WNT4: variants seen among roughly 807,000 people sequenced by gnomAD.
WNT4 encodes the protein Wnt family member 4.
WNT4 carries 16 observed loss-of-function variants against 34.5 expected under a neutral mutation model. That is an observed-to-expected ratio of 0.46 (90% CI 0.31 to 0.70). The LOEUF (loss-of-function observed/expected upper bound fraction) is 0.70, where lower values mean the gene tolerates loss of function less well. Among genes scored for constraint, WNT4 ranks in the 30% least tolerant of loss-of-function variants. The pLI is 0.04. For synonymous variants in WNT4, 200 were observed against 211.9 expected (o/e 0.94, Z 0.49); for missense variants, 379 against 495.9 (o/e 0.76, Z 2.24).
At chr1:22,127,247 A>AC in intron 2 of WNT4, 2 of 498,306 alleles carry the variant, frequency 4.0e-6, no homozygotes, top group Non-Finnish European at 8.3e-6. Context: ...AGCAGGTACC[A>AC]CCCAGGCCTA....
intron 1 of WNT4, among the ~76,000 whole-genome samples, chr1:22,136,701 C>G (rs1646025140): frequency 6.6e-6 from 1 of 152,182 alleles, no homozygotes; most frequent in Non-Finnish European, 1.5e-5. Context: ...GGTTCTACCA[C>G]CGCCATGCTG....
Position 22,142,719 on chromosome 1 carries a change from C to G in WNT4, c.77+127G>C. 1.6e-6 allele frequency: 1 copy of G among 618,862 alleles called. No individual in the cohort carries two copies. Among genetic ancestry groups the G allele is most frequent in the Non-Finnish European group, 2.0e-6 (1 of 495,780 alleles). The allele number at this position is 618,862 out of a possible 1,614,324, so 38.3% of individuals were successfully genotyped here. A position where few individuals can be genotyped will look rare whatever the true frequency, so the allele number is the denominator to read the frequency against. ...CGGCGGCAGCGGAGCGAGCGAGCCT[C>G]CGGTCCCGCGGCCGAGACACCTGCC... On this transcript the variant is annotated intron_variant, in intron 1 of 4. Coordinates refer to ENST00000290167, the MANE Select transcript of WNT4 (RefSeq NM_030761.5). This position sits in a 1 kb window ranked among gnomAD's most constrained non-coding sequence, Gnocchi z 6.0.
At chr1:22,121,994 A>C (rs926259953) in intron 2 of WNT4, among the ~76,000 whole-genome samples, 1 of 152,196 alleles carries the variant, frequency 6.6e-6, no homozygotes, top group Non-Finnish European at 1.5e-5. Context: ...GGAAGACCAG[A>C]CAGGCTGGGA....
rs1445070092 is a variant in WNT4 at position 22,142,420 on chromosome 1, C to G, written c.77+426G>C. On this transcript the variant is annotated intron_variant, in intron 1 of 4. Coordinates refer to ENST00000290167, the MANE Select transcript of WNT4 (RefSeq NM_030761.5). The surrounding 1 kb of genome is among the most constrained non-coding windows in gnomAD (Gnocchi z 6.0). ...TCGGCGCAGCTCGGCGCTGGGAGCT[C>G]GCTCCGGACTTCTCGGGATTAACCT... is the stretch of plus-strand genomic sequence containing the variant. 6.7e-6 allele frequency among the ~76,000 whole-genome samples: 1 copy of G among 150,236 alleles called. No individual in the cohort carries two copies. Among genetic ancestry groups the G allele is most frequent in the Admixed American group, 6.6e-5 (1 of 15,078 alleles).
Position 22,134,422 on chromosome 1 carries a change from A to C in WNT4, c.78-4571T>G, listed in dbSNP as rs1210291575. On this transcript the variant is annotated intron_variant, in intron 1 of 4. Transcript: ENST00000290167. The surrounding 1 kb of genome is among the most constrained non-coding windows in gnomAD (Gnocchi z 4.1). ...CTAACCATACCCCCCACTCACTTTTACATCTTTGAATGTTTCTATAACCAC... is the reference window on the plus strand; with the variant it reads ...CTAACCATACCCCCCACTCACTTTTCCATCTTTGAATGTTTCTATAACCAC... Among the ~76,000 whole-genome samples the C allele has an allele frequency of 6.6e-6, 1 of 152,170 alleles. No individual in the cohort carries two copies. Among genetic ancestry groups the C allele is most frequent in the East Asian group, 1.9e-4 (1 of 5,188 alleles).
At chr1:22,121,683 G>T in intron 2 of WNT4, 107 bp from the exon 3 acceptor site, 1 of 1,519,306 alleles carries the variant, frequency 6.6e-7, no homozygotes. Flanking sequence ...TGGAGGCCAG[G>T]AGGGAGCAAG....
intron 1 of WNT4, among the ~76,000 whole-genome samples, chr1:22,138,437 G>A (rs938429043): frequency 2.6e-5 from 4 of 152,062 alleles, no homozygotes; most frequent in African/African-American, 9.7e-5. Flanking sequence ...AAAGTCTGCA[G>A]ACATTTTGTC....
In WNT4 at chr1:22,119,734, C is replaced by T. The variant is rs1645878356; in HGVS notation, c.*316G>A. On this transcript the variant is annotated 3_prime_UTR_variant, in exon 5 of 5. Coordinates refer to ENST00000290167, the MANE Select transcript of WNT4 (RefSeq NM_030761.5). ...GGTGGTAATACTCCTTGTTACTCCA[C>T]CTTAGGTCTGCAAGTAGAAAAACGG... 2 of 476,198 alleles carry T rather than the reference C, an allele frequency of 4.2e-6. No individual in the cohort carries two copies. Among genetic ancestry groups the T allele is most frequent in the Non-Finnish European group, 3.9e-6 (1 of 258,936 alleles). 29.5% of individuals were successfully genotyped at this position (476,198 alleles called of 1,614,324 possible). A position where few individuals can be genotyped will look rare whatever the true frequency, so the allele number is the denominator to read the frequency against.
rs775827573 is a variant in WNT4, at chr1:22,142,035, G to C, written c.77+811C>G. Among the ~76,000 whole-genome samples the C allele has an allele frequency of 1.8e-4, 27 of 152,182 alleles. No homozygotes were observed. The highest frequency in any genetic ancestry group is 2.9e-4 in the Non-Finnish European group (20 of 68,036). ...AGGAGCGCGGGTCCGCTTGCTCCCT[G>C]TCCACCCACTCACTGGAGCTCATCC... On this transcript the variant is annotated intron_variant, in intron 1 of 4. Transcript: ENST00000290167. This position sits in a 1 kb window ranked among gnomAD's most constrained non-coding sequence, Gnocchi z 6.0.
intron 2 of WNT4, 151 bp downstream of exon 2, chr1:22,129,465 T>C: frequency 1.0e-6 from 1 of 976,372 alleles, no homozygotes; most frequent in South Asian, 1.5e-5. Flanking sequence ...CCCAACGCTC[T>C]GCATCCTTTA....
rs1295254993 is a variant in WNT4 at position 22,142,819 on chromosome 1, G to T, written c.77+27C>A. 5 of 1,114,608 alleles carry T rather than the reference G, an allele frequency of 4.5e-6. No homozygotes were observed. In the African/African-American group the frequency reaches 8.4e-5, roughly 19 times the overall value. The allele number at this position is 1,114,608 out of a possible 1,614,324, so 69.0% of individuals were successfully genotyped here. A position where few individuals can be genotyped will look rare whatever the true frequency, so the allele number is the denominator to read the frequency against. On this transcript the variant is annotated intron_variant, in intron 1 of 4. Transcript: ENST00000290167. The surrounding 1 kb of genome is among the most constrained non-coding windows in gnomAD (Gnocchi z 6.0). ...CCCGGGGCCTGCCCCGCCCCGCCCC[G>T]CCCCGCTCGGCCCCGGCCAGACTTA... is the stretch of plus-strand genomic sequence containing the variant.
In WNT4 at chr1:22,140,121, G is replaced by A; in HGVS notation, c.77+2725C>T. 1.1e-6 allele frequency: 1 copy of A among 947,970 alleles called. No individual in the cohort carries two copies. The highest frequency in any genetic ancestry group is 1.3e-6 in the Non-Finnish European group (1 of 795,812). The allele number at this position is 947,970 out of a possible 1,614,324, so 58.7% of individuals were successfully genotyped here. A position where few individuals can be genotyped will look rare whatever the true frequency, so the allele number is the denominator to read the frequency against. On this transcript the variant is annotated intron_variant, in intron 1 of 4. Coordinates refer to ENST00000290167, the MANE Select transcript of WNT4 (RefSeq NM_030761.5). This position sits in a 1 kb window ranked among gnomAD's most constrained non-coding sequence, Gnocchi z 5.9. Reference sequence around the variant, plus strand: ...CACCCTGGACTCCAGGGTATTGGGAGGCGAGCGGAACCTAGACCTTGCTCC... The same window carrying A: ...CACCCTGGACTCCAGGGTATTGGGAAGCGAGCGGAACCTAGACCTTGCTCC...
At position 22,138,608 on chromosome 1, in the gene WNT4, T is replaced by A. The variant is rs369006022; in HGVS notation, c.77+4238A>T. ...AATCCTGCTGTAAACTGTGAAGTAC[T>A]GTGGGGGTGTTTGTGATTGTAATTC... is the stretch of plus-strand genomic sequence containing the variant. On this transcript the variant is annotated intron_variant, in intron 1 of 4. Transcript: ENST00000290167. 1.1e-4 allele frequency among the ~76,000 whole-genome samples: 17 copies of A among 152,344 alleles called. No individual in the cohort carries two copies. The East Asian group carries it at 2.3e-3, about 21-fold the overall frequency.
At chr1:22,124,642 A>G (rs577937515) in intron 2 of WNT4, among the ~76,000 whole-genome samples, 1 of 152,302 alleles carries the variant, frequency 6.6e-6, no homozygotes, top group Non-Finnish European at 1.5e-5. Flanking sequence ...CAGGCAGTAA[A>G]TGGCCAAGTG....
chr1:22,131,977 G>A (rs1645987239), intron 1 of WNT4, among the ~76,000 whole-genome samples: 1 of 152,184 alleles, frequency 6.6e-6, no homozygotes, highest in African/African-American at 2.4e-5. Flanking sequence ...GAAGGGGAGG[G>A]GCCCACCCGG....
rs1233484503 is a variant in WNT4, at chr1:22,120,255, A to G, written c.851T>C (p.Met284Thr). 1 of 1,614,184 alleles carries G rather than the reference A, an allele frequency of 6.2e-7. No homozygotes were observed. Among genetic ancestry groups the G allele is most frequent in the Admixed American group, 1.7e-5 (1 of 60,038 alleles). The change falls in exon 5 of 5, where the codon ATG becomes ACG. Residue 284 changes from methionine (M) to threonine (T), a missense_variant. This residue lies in a region of WNT4 where 313 missense variants were observed against 445.8 expected (regional missense o/e 0.70). Coordinates refer to ENST00000290167, the MANE Select transcript of WNT4 (RefSeq NM_030761.5). Reference protein sequence around the residue: ...EPSPDFCEQDMRSGVLGTRGR... With the variant: ...EPSPDFCEQDTRSGVLGTRGR... ...CCTCGTGCCCAGCACGCCGCTGCGCATGTCCTGCTCACAGAAGTCGGGGCT... is the reference window on the plus strand; with the variant it reads ...CCTCGTGCCCAGCACGCCGCTGCGCGTGTCCTGCTCACAGAAGTCGGGGCT...
In WNT4 at chr1:22,134,187, T is replaced by G. The variant is rs1165765949; in HGVS notation, c.78-4336A>C. On this transcript the variant is annotated intron_variant, in intron 1 of 4. Coordinates refer to ENST00000290167, the MANE Select transcript of WNT4 (RefSeq NM_030761.5). The surrounding 1 kb of genome is among the most constrained non-coding windows in gnomAD (Gnocchi z 4.1). ...CCTCCCTTTGGCCTCCCTGCCTGCC[T>G]GGGCCACATTTAGAGCCTCCTCAGG... Among the ~76,000 whole-genome samples, 1 of 152,162 alleles carries G rather than the reference T, an allele frequency of 6.6e-6. No homozygotes were observed. Among genetic ancestry groups the G allele is most frequent in the Non-Finnish European group, 1.5e-5 (1 of 68,018 alleles).
At position 22,117,534 on chromosome 1, in the gene WNT4, C is replaced by A. The variant is rs964922734; in HGVS notation, c.*2516G>T. 1.3e-5 allele frequency: 2 copies of A among 152,342 alleles called. No homozygotes were observed. Among genetic ancestry groups the A allele is most frequent in the Non-Finnish European group, 2.9e-5 (2 of 68,162 alleles). 9.4% of individuals were successfully genotyped at this position (152,342 alleles called of 1,614,324 possible). ...GTGGACCCTCTGGCCAATTTCCAGGCCACGGTGAGGCCAAGAGGGGGTGGG... is the reference window on the plus strand; with the variant it reads ...GTGGACCCTCTGGCCAATTTCCAGGACACGGTGAGGCCAAGAGGGGGTGGG... On this transcript the variant is annotated 3_prime_UTR_variant, in exon 5 of 5. Coordinates refer to ENST00000290167, the MANE Select transcript of WNT4 (RefSeq NM_030761.5).
At chr1:22,141,978 G>A (rs1469977387) in intron 1 of WNT4, among the ~76,000 whole-genome samples, 1 of 152,190 alleles carries the variant, frequency 6.6e-6, no homozygotes, top group Non-Finnish European at 1.5e-5. Flanking sequence ...TTAAGCGCGG[G>A]GCATGGGGAA....
Sources: gnomAD v4.1 joint callset for allele counts (sites outside exome capture counted in the v4.1 genomes callset) on GRCh38, gnomAD v4.1.1 for gene constraint, gnomAD v4.1.1 regional missense constraint, Gnocchi (gnomAD v3.1) non-coding constraint, MANE v1.5 for transcripts, NCBI Gene and HGNC (gene_info 2026-07-23, HGNC 2026-07-21) for gene names.